Variants in DOCK5 observed in about 807,000 individuals in gnomAD.
DOCK5 encodes the protein dedicator of cytokinesis protein 5.
In DOCK5, 142 loss-of-function variants were observed where a neutral mutation model predicts 251.8. That is an observed-to-expected ratio of 0.56 (90% CI 0.49 to 0.65). The LOEUF is 0.65. Ranked by LOEUF, DOCK5 falls within the 30% of genes least tolerant of loss-of-function variation. DOCK5 has a pLI of 0.00. For synonymous variants in DOCK5, 842 were observed against 835.5 expected (o/e 1.01, Z -0.13); for missense variants, 2,111 against 2,312.3 (o/e 0.91, Z 1.79).
At chr8:25,385,024 G>A (rs1246664248) in intron 40 of DOCK5, among the ~76,000 whole-genome samples, 5 of 152,182 alleles carry the variant, frequency 3.3e-5, no homozygotes, top group African/African-American at 9.7e-5. Flanking sequence ...AGCAGGTAAA[G>A]GGGGTAGGAA....
intron 2 of DOCK5, among the ~76,000 whole-genome samples, chr8:25,261,538 A>G (rs1262714695): frequency 6.6e-6 from 1 of 152,216 alleles, no homozygotes; most frequent in Non-Finnish European, 1.5e-5. Flanking sequence ...ATGCAATTCC[A>G]TGTTACTTTG....
In DOCK5 at chr8:25,265,376, T is replaced by A. The variant is rs899050014; in HGVS notation, c.128-3469T>A. Among the ~76,000 whole-genome samples, 8 of 151,948 alleles carry A rather than the reference T, an allele frequency of 5.3e-5. 1 individual carries two copies. The highest frequency in any genetic ancestry group is 1.9e-4 in the African/African-American group (8 of 41,202). On this transcript the variant is annotated intron_variant, in intron 2 of 51. Coordinates refer to ENST00000276440, the MANE Select transcript of DOCK5 (RefSeq NM_024940.8). ...CTGAACTCTGGCAATGACATTTTTC[T>A]TCTTTCTTTGAACTTCAGGCTTATT...
chr8:25,331,230 G>GACACACACACACAC (rs60869427), intron 18 of DOCK5, among the ~76,000 whole-genome samples: 13 of 140,264 alleles, frequency 9.3e-5, no homozygotes, highest in African/African-American at 3.2e-4. Flanking sequence ...GTTTCTCTGT[G>GACACACACACACAC]ACACACACAC....
chr8:25,296,431 C>T (rs1804616104), intron 6 of DOCK5, 82 bp from the exon 7 acceptor site: 1 of 1,520,324 alleles, frequency 6.6e-7, no homozygotes. Flanking sequence ...ACTATGGATC[C>T]TCTGGGCTCC....
intron 26 of DOCK5, 136 bp downstream of exon 26, chr8:25,345,747 A>G (rs1800354576): frequency 1.6e-6 from 2 of 1,269,348 alleles, no homozygotes; most frequent in Admixed American, 2.2e-5. Context: ...CATTTTAGAG[A>G]TAATTAGGGA....
chr8:25,384,463 ATT>A (rs201096966), intron 40 of DOCK5, among the ~76,000 whole-genome samples: 20 of 135,696 alleles, frequency 1.5e-4, no homozygotes, highest in African/African-American at 5.3e-4. Flanking sequence ...TTATTTATTT[ATT>A]TTTTTTTTTT....
chr8:25,306,635 A>AT (rs1804941260), intron 11 of DOCK5, among the ~76,000 whole-genome samples: 2 of 152,050 alleles, frequency 1.3e-5, no homozygotes. Flanking sequence ...TGGAGCTTGC[A>AT]GTGAGCCAAG....
At chr8:25,185,244 G>T (rs150602084) in intron 1 of DOCK5, among the ~76,000 whole-genome samples, 2 of 152,144 alleles carry the variant, frequency 1.3e-5, no homozygotes, top group Admixed American at 6.5e-5. Context: ...TCAACGCGAG[G>T]GGGGCGCGCC....
chr8:25,410,099 G>A lies in DOCK5; in HGVS notation c.5405G>A (p.Ser1802Asn), dbSNP rs770126778. The change falls in exon 51 of 52, where the codon AGC (serine) becomes AAC (asparagine). Residue 1802 changes from serine to asparagine, a missense_variant and splice_region_variant. Physicochemically the swap from Ser to Asn is conservative, Grantham distance 46. Around this residue, in one of 3 missense-constraint regions of DOCK5, gnomAD observed 1,717 missense variants for 1,892.4 expected, o/e 0.91. Transcript: ENST00000276440. ...PLTPKATRTL[S>N]SPSLQTDGIA... Reference sequence around the variant, plus strand: ...CGCCTGCACTTTCTGTCATTTCTAGGCTCCCCATCGTTGCAGACAGATGGA... The same window carrying A: ...CGCCTGCACTTTCTGTCATTTCTAGACTCCCCATCGTTGCAGACAGATGGA... The A allele has an allele frequency of 1.9e-6, 3 of 1,612,206 alleles. No individual in the cohort carries two copies. Among genetic ancestry groups the A allele is most frequent in the Non-Finnish European group, 2.5e-6 (3 of 1,179,050 alleles).
At chr8:25,343,129 G>A (rs1800280062) in intron 25 of DOCK5, among the ~76,000 whole-genome samples, 1 of 151,790 alleles carries the variant, frequency 6.6e-6, no homozygotes, top group Non-Finnish European at 1.5e-5. Flanking sequence ...CCCCTGAGTA[G>A]CTGGGATTAC....
chr8:25,334,051 T>C (rs772003454), intron 20 of DOCK5, 45 bp from the exon 21 acceptor site: 21 of 1,454,536 alleles, frequency 1.4e-5, no homozygotes, highest in Non-Finnish European at 2.0e-5. Context: ...GACAGAATAC[T>C]TGGGATTGTG....
Position 25,334,211 on chromosome 8 carries a change from A to T in DOCK5, c.2192+15A>T. The T allele has an allele frequency of 6.3e-7, 1 of 1,586,340 alleles. No homozygotes were observed. The highest frequency in any genetic ancestry group is 8.7e-7 in the Non-Finnish European group (1 of 1,154,794). On this transcript the variant is annotated intron_variant, in intron 21 of 51. Coordinates refer to ENST00000276440, the MANE Select transcript of DOCK5 (RefSeq NM_024940.8). ...TTGGCATATGTGTAAGTATGATCTG[A>T]AGGAACTACATGTTGTTGGATCTTT...
At chr8:25,233,700 G>A (rs1802726274) in intron 1 of DOCK5, among the ~76,000 whole-genome samples, 1 of 152,088 alleles carries the variant, frequency 6.6e-6, no homozygotes, top group African/African-American at 2.4e-5. Flanking sequence ...GTTCGCCTTG[G>A]TCTATCACTT....
At chr8:25,309,863 T>A (rs1805043140) in intron 12 of DOCK5, among the ~76,000 whole-genome samples, 1 of 152,134 alleles carries the variant, frequency 6.6e-6, no homozygotes, top group Non-Finnish European at 1.5e-5. Flanking sequence ...TGGTTTGTTC[T>A]CAGAGGTTTA....
chr8:25,199,630 G>T (rs1052967083), intron 1 of DOCK5, among the ~76,000 whole-genome samples: 2 of 152,104 alleles, frequency 1.3e-5, no homozygotes, highest in African/African-American at 4.8e-5. Context: ...TGATCCTCCC[G>T]CCTTGGCCTC....
At chr8:25,349,165 A>G (rs2117245655) in intron 26 of DOCK5, among the ~76,000 whole-genome samples, 1 of 152,360 alleles carries the variant, frequency 6.6e-6, no homozygotes, top group South Asian at 2.1e-4. Context: ...TGTAATTAAA[A>G]TACATATAGC....
At chr8:25,345,716 G>A (rs964467309) in intron 26 of DOCK5, 105 bp downstream of exon 26, 86 of 1,488,016 alleles carry the variant, frequency 5.8e-5, no homozygotes, top group East Asian at 3.7e-4. Flanking sequence ...TTCCAGCTCC[G>A]GTATTAGGGC....
intron 28 of DOCK5, among the ~76,000 whole-genome samples, chr8:25,362,462 C>CTTTT (rs869096662): frequency 3.7e-3 from 204 of 54,480 alleles, no homozygotes; most frequent in East Asian, 4.9e-3. Flanking sequence ...CTTTTCTTTT[C>CTTTT]TTTTTTTTTT....
At chr8:25,326,768 T>C (rs2117209237) in intron 18 of DOCK5, among the ~76,000 whole-genome samples, 1 of 152,340 alleles carries the variant, frequency 6.6e-6, no homozygotes, top group Middle Eastern at 3.4e-3. Flanking sequence ...CGAAGATTTA[T>C]GTACAAGGAT....
Sources: gnomAD v4.1 joint callset for allele counts (sites outside exome capture counted in the v4.1 genomes callset) on GRCh38, gnomAD v4.1.1 for gene constraint, gnomAD v4.1.1 regional missense constraint, MANE v1.5 for transcripts, NCBI Gene and HGNC (gene_info 2026-07-23, HGNC 2026-07-21) for gene names.